The following TOX variants were observed in gnomAD, a reference collection of about 807,000 sequenced individuals.
TOX encodes the protein thymocyte selection associated high mobility group box, also known as thymocyte selection-associated high mobility group box protein TOX.
TOX carries 11 observed loss-of-function variants against 53.7 expected under a neutral mutation model. That is an observed-to-expected ratio of 0.20 (90% CI 0.13 to 0.34). The LOEUF (loss-of-function observed/expected upper bound fraction) is 0.34. TOX is among the 10% of genes least tolerant of loss of function. The pLI, the probability that TOX is intolerant of heterozygous loss-of-function variation, is 1.00. For missense variants in TOX, 570 were observed against 664.6 expected (o/e 0.86, Z 1.56); for synonymous variants, 225 against 245.3 (o/e 0.92, Z 0.77).
intron 1 of TOX, among the ~76,000 whole-genome samples, chr8:59,015,756 C>A (rs1487927563): frequency 6.6e-6 from 1 of 151,962 alleles, no homozygotes; most frequent in Admixed American, 6.6e-5. Context: ...GAAATGAAAG[C>A]TAGGAAAACA....
chr8:59,008,907 G>C (rs146757724), intron 1 of TOX, among the ~76,000 whole-genome samples: 10 of 152,194 alleles, frequency 6.6e-5, no homozygotes, highest in African/African-American at 1.4e-4. Context: ...TTTTTCGATA[G>C]GGAGCCTGAA....
intron 1 of TOX, among the ~76,000 whole-genome samples, chr8:58,961,454 G>T (rs1328795378): frequency 6.6e-6 from 1 of 152,108 alleles, no homozygotes; most frequent in African/African-American, 2.4e-5. Context: ...TGGGTGTTTT[G>T]GTTGCTCTGT....
intron 1 of TOX, among the ~76,000 whole-genome samples, chr8:59,070,750 C>A (rs948144995): frequency 3.5e-4 from 53 of 152,164 alleles, no homozygotes; most frequent in African/African-American, 1.2e-3. Context: ...CATTTAGTGA[C>A]CTCTATTTCA....
chr8:59,063,760 T>C (rs186889378), intron 1 of TOX, among the ~76,000 whole-genome samples: 3 of 152,208 alleles, frequency 2.0e-5, no homozygotes, highest in Admixed American at 2.0e-4. Context: ...TTAAACTTAA[T>C]CTCAACTATA....
At chr8:58,823,071 A>G (rs1288964118) in intron 6 of TOX, among the ~76,000 whole-genome samples, 1 of 152,242 alleles carries the variant, frequency 6.6e-6, no homozygotes, top group Non-Finnish European at 1.5e-5. Context: ...ATATCCTGGT[A>G]AGAATGGGCC....
chr8:58,848,392 A>G (rs150504246), intron 4 of TOX, among the ~76,000 whole-genome samples: 2 of 152,268 alleles, frequency 1.3e-5, no homozygotes, highest in African/African-American at 4.8e-5. Flanking sequence ...TTTCATATTT[A>G]TAGTAAGGTA....
chr8:58,998,510 T>A (rs1261467159), intron 1 of TOX, among the ~76,000 whole-genome samples: 13 of 73,402 alleles, frequency 1.8e-4, no homozygotes, highest in African/African-American at 4.4e-4. Context: ...TATATATATA[T>A]ATATATATAT....
chr8:58,871,526 C>T (rs931964508), intron 3 of TOX, among the ~76,000 whole-genome samples: 2 of 152,112 alleles, frequency 1.3e-5, no homozygotes, highest in Non-Finnish European at 2.9e-5. Context: ...TAATAAGATG[C>T]TGACTTAAGT....
chr8:59,006,953 C>T (rs1813800548), intron 1 of TOX, among the ~76,000 whole-genome samples: 1 of 152,194 alleles, frequency 6.6e-6, no homozygotes, highest in African/African-American at 2.4e-5. Flanking sequence ...CTTTTCTTAA[C>T]TTCCATAAAG....
intron 3 of TOX, among the ~76,000 whole-genome samples, chr8:58,934,766 C>CA (rs1240291947): frequency 6.6e-6 from 1 of 152,192 alleles, no homozygotes; most frequent in Admixed American, 6.5e-5. Flanking sequence ...AAGAGTCATA[C>CA]AGGCTTGCTT....
At chr8:58,998,802 T>G (rs1813633901) in intron 1 of TOX, among the ~76,000 whole-genome samples, 1 of 151,796 alleles carries the variant, frequency 6.6e-6, no homozygotes, top group Non-Finnish European at 1.5e-5. Flanking sequence ...GTCTTCCTAT[T>G]TTGAGTATGA....
chr8:58,839,114 A>G (rs1310054987), intron 4 of TOX, among the ~76,000 whole-genome samples: 1 of 152,214 alleles, frequency 6.6e-6, no homozygotes, highest in Non-Finnish European at 1.5e-5. Context: ...AGGAAAACCC[A>G]GCAATGCTCA....
rs576683093 is a variant in TOX at position 59,066,259 on chromosome 8, G to C, written c.102+52627C>G. Among the ~76,000 whole-genome samples, 183 of 152,284 alleles carry C rather than the reference G, an allele frequency of 1.2e-3. No individual in the cohort carries two copies. The Middle Eastern group carries it at 0.02, about 17-fold the overall frequency. On this transcript the variant is annotated intron_variant, in intron 1 of 8. Transcript: ENST00000361421. ...TACATGTGCTGCTGGATTATTTAAT[G>C]AACAAATAAGTCACAGTTAAAGGCT...
chr8:59,005,338 C>G (rs1403957233), intron 1 of TOX, among the ~76,000 whole-genome samples: 1 of 152,088 alleles, frequency 6.6e-6, no homozygotes, highest in African/African-American at 2.4e-5. Flanking sequence ...GCGCCCGGCC[C>G]TGAAAATATC....
At chr8:59,037,502 G>A (rs529039601) in intron 1 of TOX, among the ~76,000 whole-genome samples, 13 of 151,838 alleles carry the variant, frequency 8.6e-5, no homozygotes, top group African/African-American at 3.1e-4. Context: ...CTCCTCTTTG[G>A]GTCTACATAT....
intron 1 of TOX, among the ~76,000 whole-genome samples, chr8:59,025,700 G>A (rs1282680211): frequency 6.6e-6 from 1 of 152,096 alleles, no homozygotes; most frequent in Non-Finnish European, 1.5e-5. Flanking sequence ...CAACTCAGAG[G>A]TCACCTTCTC....
At chr8:59,038,017 T>TG (rs1803501658) in intron 1 of TOX, among the ~76,000 whole-genome samples, 1 of 152,168 alleles carries the variant, frequency 6.6e-6, no homozygotes, top group African/African-American at 2.4e-5. Context: ...CTAGTGTCTC[T>TG]ATGACTTTTG....
chr8:59,114,086 C>G (rs527705746), intron 1 of TOX, among the ~76,000 whole-genome samples: 1 of 152,274 alleles, frequency 6.6e-6, no homozygotes, highest in East Asian at 1.9e-4. Flanking sequence ...ACCCCTAAAA[C>G]TGGAAATTTC....
intron 3 of TOX, among the ~76,000 whole-genome samples, chr8:58,863,576 A>G (rs928592468): frequency 1.3e-5 from 2 of 152,172 alleles, no homozygotes; most frequent in African/African-American, 2.4e-5. Context: ...TATCATAACC[A>G]TGGAACTGTA....
Sources: gnomAD v4.1 joint callset for allele counts (sites outside exome capture counted in the v4.1 genomes callset) on GRCh38, gnomAD v4.1.1 for gene constraint, MANE v1.5 for transcripts, NCBI Gene and HGNC (gene_info 2026-07-23, HGNC 2026-07-21) for gene names.